NUFIP1: variants seen among roughly 807,000 people sequenced by gnomAD.
NUFIP1 encodes FMR1-interacting protein NUFIP1.
In NUFIP1, 38 loss-of-function variants were observed where a neutral mutation model predicts 56.2. The observed-to-expected ratio is 0.68, with a 90% CI of 0.52 to 0.89. NUFIP1 has a LOEUF of 0.89. Ranked by LOEUF, NUFIP1 falls within the 40% of genes least tolerant of loss-of-function variation. The pLI is 0.00. For missense variants in NUFIP1, 567 were observed against 605.8 expected (o/e 0.94, Z 0.67); for synonymous variants, 215 against 212.4 (o/e 1.01, Z -0.10).
intron 2 of NUFIP1, among the ~76,000 whole-genome samples, 181 bp downstream of exon 2, chr13:44,981,891 G>A (rs933765799): frequency 3.9e-5 from 6 of 152,094 alleles, no homozygotes; most frequent in African/African-American, 1.4e-4. Context: ...ATTTAGTTAT[G>A]TATTATTTTT....
At chr13:44,968,960 A>G (rs1470545093) in intron 5 of NUFIP1, among the ~76,000 whole-genome samples, 2 of 152,120 alleles carry the variant, frequency 1.3e-5, no homozygotes, top group Non-Finnish European at 2.9e-5. Flanking sequence ...TAAAACAGCT[A>G]ATTTTCTCTT....
At chr13:44,972,802 CAT>C (rs1446104883) in intron 5 of NUFIP1, among the ~76,000 whole-genome samples, 1 of 152,202 alleles carries the variant, frequency 6.6e-6, no homozygotes, top group Admixed American at 6.5e-5. Context: ...ATGGCCACCT[CAT>C]GTGTATTTAT....
chr13:44,964,326 A>T (rs1405388158), intron 6 of NUFIP1, among the ~76,000 whole-genome samples: 2 of 152,214 alleles, frequency 1.3e-5, no homozygotes, highest in East Asian at 3.8e-4. Flanking sequence ...ACAGGGACTG[A>T]ATTTATCCTC....
intron 5 of NUFIP1, among the ~76,000 whole-genome samples, chr13:44,971,308 A>C (rs1175125643): frequency 1.3e-5 from 2 of 151,928 alleles, no homozygotes; most frequent in African/African-American, 4.8e-5. Context: ...AATTTCACAA[A>C]CCTATAACCT....
rs1211147706 is a variant in NUFIP1, at chr13:44,959,329, C to T, written c.1021+52G>A. On this transcript the variant is annotated intron_variant, in intron 7 of 9. Coordinates refer to ENST00000379161, the MANE Select transcript of NUFIP1 (RefSeq NM_012345.3). Reference sequence around the variant, plus strand: ...AAGCAAGGCTGTGAATAATCAACTTCAGCATCATTGTCTATACACTTATAA... The same window carrying T: ...AAGCAAGGCTGTGAATAATCAACTTTAGCATCATTGTCTATACACTTATAA... The T allele has an allele frequency of 4.0e-6, 6 of 1,495,910 alleles. No individual in the cohort carries two copies. In the East Asian group the frequency reaches 1.4e-4, roughly 34 times the overall value. The allele number at this position is 1,495,910 out of a possible 1,614,324, so 92.7% of individuals were successfully genotyped here.
At chr13:44,941,861 T>G (rs759361510) in intron 9 of NUFIP1, among the ~76,000 whole-genome samples, 3 of 151,928 alleles carry the variant, frequency 2.0e-5, no homozygotes, top group Non-Finnish European at 4.4e-5. Context: ...TTTGGAGTCC[T>G]CTCTAAGAGT....
chr13:44,977,908 G>T (rs1872039203), intron 5 of NUFIP1, among the ~76,000 whole-genome samples: 2 of 152,180 alleles, frequency 1.3e-5, no homozygotes, highest in African/African-American at 4.8e-5. Flanking sequence ...AACTAGCCAG[G>T]TGTGGGGGTG....
At position 44,940,121 on chromosome 13, in the gene NUFIP1, GAATTA is replaced by G. The variant is rs1294174865; in HGVS notation, c.*1080_*1084del. The stretch of plus-strand genomic sequence containing the variant: ...AGCACTCAACAGTGTTACATGAATT[GAATTA>G]GTTAATGTATAAGGCAGATAATTTC... On this transcript the variant is annotated 3_prime_UTR_variant, in exon 10 of 10. Transcript: ENST00000379161. The G allele has an allele frequency of 1.3e-5, 2 of 152,232 alleles. No individual in the cohort carries two copies. Among genetic ancestry groups the G allele is most frequent in the Non-Finnish European group, 2.9e-5 (2 of 68,054 alleles). The allele number at this position is 152,232 out of a possible 1,614,324, so 9.4% of individuals were successfully genotyped here. A position where few individuals can be genotyped will look rare whatever the true frequency, so the allele number is the denominator to read the frequency against.
At chr13:44,988,406 C>T (rs1379887372) in intron 1 of NUFIP1, among the ~76,000 whole-genome samples, 1 of 152,018 alleles carries the variant, frequency 6.6e-6, no homozygotes, top group East Asian at 1.9e-4. Context: ...TGAAGTAGAT[C>T]GCGCTACTCT....
chr13:44,966,098 A>G (rs973590488), intron 5 of NUFIP1, among the ~76,000 whole-genome samples, 162 bp from the exon 6 acceptor site: 9 of 152,244 alleles, frequency 5.9e-5, no homozygotes, highest in African/African-American at 1.9e-4. Flanking sequence ...AAAAGTACTT[A>G]TAACAATGTT....
At chr13:44,980,198 A>G (rs1872138455) in intron 3 of NUFIP1, among the ~76,000 whole-genome samples, 1 of 152,252 alleles carries the variant, frequency 6.6e-6, no homozygotes. Context: ...GGCATACATC[A>G]ATAAACCTGT....
chr13:44,964,691 T>C (rs542775884), intron 6 of NUFIP1, among the ~76,000 whole-genome samples: 2 of 152,272 alleles, frequency 1.3e-5, no homozygotes, highest in South Asian at 4.1e-4. Context: ...TTGGCATGTA[T>C]TTGTCAGGAA....
At chr13:44,975,288 C>G (rs1442655238) in intron 5 of NUFIP1, among the ~76,000 whole-genome samples, 1 of 152,126 alleles carries the variant, frequency 6.6e-6, no homozygotes, top group Non-Finnish European at 1.5e-5. Context: ...TGGTCCAAGT[C>G]CCAATGCCTA....
chr13:44,960,612 A>T (rs1339135241), intron 6 of NUFIP1, among the ~76,000 whole-genome samples: 2 of 152,170 alleles, frequency 1.3e-5, no homozygotes, highest in Admixed American at 1.3e-4. Flanking sequence ...AGCATTTACA[A>T]ATATGACTTG....
Position 44,941,086 on chromosome 13 carries a change from G to A in NUFIP1, c.*120C>T, listed in dbSNP as rs974274152. ...CTTAAAATTCCAACATACATCCTAC[G>A]AGGCTTACAATTTAATTACAAATCC... On this transcript the variant is annotated 3_prime_UTR_variant, in exon 10 of 10. Transcript: ENST00000379161. 1.8e-5 allele frequency: 11 copies of A among 594,860 alleles called. No homozygotes were observed. Among genetic ancestry groups the A allele is most frequent in the African/African-American group, 9.4e-5 (5 of 53,166 alleles). The allele number at this position is 594,860 out of a possible 1,614,324, so 36.8% of individuals were successfully genotyped here. A position where few individuals can be genotyped will look rare whatever the true frequency, so the allele number is the denominator to read the frequency against.
At chr13:44,970,513 G>A (rs962596935) in intron 5 of NUFIP1, among the ~76,000 whole-genome samples, 10 of 152,092 alleles carry the variant, frequency 6.6e-5, no homozygotes, top group African/African-American at 2.2e-4. Context: ...TGGCTTCATC[G>A]GAAAGAATGT....
At chr13:44,955,598 C>G (rs1025208803) in intron 7 of NUFIP1, among the ~76,000 whole-genome samples, 2 of 152,230 alleles carry the variant, frequency 1.3e-5, no homozygotes, top group Non-Finnish European at 2.9e-5. Context: ...CTTGTTATCA[C>G]AGTGCTGGCC....
intron 1 of NUFIP1, among the ~76,000 whole-genome samples, chr13:44,985,778 A>G (rs1168812495): frequency 6.6e-6 from 1 of 152,114 alleles, no homozygotes; most frequent in Non-Finnish European, 1.5e-5. Flanking sequence ...CTGAGACGCA[A>G]TATTCAAAAG....
chr13:44,940,415 A>G lies in NUFIP1; in HGVS notation c.*791T>C, dbSNP rs371967734. 6.6e-6 allele frequency: 1 copy of G among 152,258 alleles called. No homozygotes were observed. The highest frequency in any genetic ancestry group is 2.4e-5 in the African/African-American group (1 of 41,464). 9.4% of individuals were successfully genotyped at this position (152,258 alleles called of 1,614,324 possible). A position where few individuals can be genotyped will look rare whatever the true frequency, so the allele number is the denominator to read the frequency against. On this transcript the variant is annotated 3_prime_UTR_variant, in exon 10 of 10. Transcript: ENST00000379161. ...TGTTAGGAAAAGTTAATCTTCAACT[A>G]TAACAAACTAATTTTTTACAAATTT...
Sources: allele counts gnomAD v4.1 joint callset (sites outside exome capture counted in the v4.1 genomes callset), GRCh38; gene constraint gnomAD v4.1.1; transcripts MANE v1.5; gene names NCBI Gene and HGNC (gene_info 2026-07-23, HGNC 2026-07-21).